The following PDE6C variants were observed in gnomAD, a reference collection of about 807,000 sequenced individuals.
PDE6C encodes phosphodiesterase 6C.
In PDE6C, 75 loss-of-function variants were observed where a neutral mutation model predicts 113.1. The observed-to-expected ratio is 0.66, with a 90% CI of 0.55 to 0.80. PDE6C has a LOEUF of 0.80. Ranked by LOEUF, PDE6C falls within the 30% of genes least tolerant of loss-of-function variation. PDE6C has a pLI of 0.00. For synonymous variants in PDE6C, 375 were observed against 363.7 expected, an observed-to-expected ratio of 1.03 and a Z score of -0.35; for missense variants, 912 against 1,038.6, an observed-to-expected ratio of 0.88 and a Z score of 1.67.
intron 7 of PDE6C, among the ~76,000 whole-genome samples, chr10:93,627,943 G>A (rs1216368457): frequency 2.0e-5 from 3 of 152,194 alleles, no homozygotes; most frequent in Admixed American, 1.3e-4. Context: ...CCTTGGGGCC[G>A]AGAGGCAGGC....
intron 14 of PDE6C, 77 bp downstream of exon 14, chr10:93,641,106 C>A: frequency 1.1e-6 from 1 of 880,732 alleles, no homozygotes; most frequent in Non-Finnish European, 1.9e-6. Flanking sequence ...AACGCTTCTC[C>A]CTATTCCTTG....
intron 3 of PDE6C, 24 bp downstream of exon 3, chr10:93,621,004 A>G: frequency 1.3e-6 from 2 of 1,576,838 alleles, no homozygotes; most frequent in Non-Finnish European, 1.7e-6. Context: ...AGCATTAGTC[A>G]TTCCATGCTG....
In PDE6C at chr10:93,613,133, T is replaced by C. The variant is rs1564794125; in HGVS notation, c.408T>C (p.Phe136=). 4 of 1,614,168 alleles carry C rather than the reference T, an allele frequency of 2.5e-6. No homozygotes were observed. The highest frequency in any genetic ancestry group is 3.4e-6 in the Non-Finnish European group (4 of 1,180,044). ...NLVGPDKEVV[F]PLDIGIVGWA... ...TGGGCCCTGACAAAGAAGTTGTGTT[T>C]CCATTGGACATTGGGATAGTGGGTT... Residue 136 remains phenylalanine, a synonymous_variant, in exon 1 of 22, where the codon TTT becomes TTC. Coordinates refer to ENST00000371447, the MANE Select transcript of PDE6C (RefSeq NM_006204.4).
At chr10:93,632,210 G>C (rs1237397457) in intron 8 of PDE6C, among the ~76,000 whole-genome samples, 3 of 152,112 alleles carry the variant, frequency 2.0e-5, no homozygotes, top group Non-Finnish European at 4.4e-5. Flanking sequence ...GGTCCACCTG[G>C]AACATCCAGG....
Position 93,612,818 on chromosome 10 carries a change from G to T in PDE6C, c.93G>T (p.Glu31Asp), listed in dbSNP as rs2058397762. 2.5e-6 allele frequency: 4 copies of T among 1,614,180 alleles called. No homozygotes were observed. The highest frequency in any genetic ancestry group is 2.5e-6 in the Non-Finnish European group (3 of 1,180,034). Residue 31 changes from glutamate (E) to aspartate (D), a missense_variant, in exon 1 of 22, where the codon GAG becomes GAT. Coordinates refer to ENST00000371447, the MANE Select transcript of PDE6C (RefSeq NM_006204.4). Reference sequence around the variant, plus strand: ...ACTTTGACAGGAAGTTGCGGGTGGAGGTGCTGGGAGAAATCTTCAAGAACA... The same window carrying T: ...ACTTTGACAGGAAGTTGCGGGTGGATGTGCTGGGAGAAATCTTCAAGAACA... ...KEYFDRKLRV[E>D]VLGEIFKNSQ...
At chr10:93,639,765 T>C (rs2058550022) in intron 11 of PDE6C, among the ~76,000 whole-genome samples, 1 of 152,248 alleles carries the variant, frequency 6.6e-6, no homozygotes, top group African/African-American at 2.4e-5. Context: ...CTAAACATTT[T>C]ATTTTGCATC....
intron 15 of PDE6C, among the ~76,000 whole-genome samples, chr10:93,649,130 G>A (rs979148972): frequency 1.1e-4 from 17 of 152,020 alleles, no homozygotes; most frequent in African/African-American, 4.1e-4. Context: ...TAGTTCTATC[G>A]CCATTTTAAT....
At chr10:93,624,931 C>T (rs1450378161) in intron 4 of PDE6C, among the ~76,000 whole-genome samples, 2 of 152,132 alleles carry the variant, frequency 1.3e-5, no homozygotes, top group Non-Finnish European at 2.9e-5. Context: ...ATAGGCATGA[C>T]ACAACTGGGA....
At chr10:93,657,231 G>A (rs548660299) in intron 16 of PDE6C, among the ~76,000 whole-genome samples, 13 of 151,656 alleles carry the variant, frequency 8.6e-5, no homozygotes, top group Non-Finnish European at 7.4e-5. Flanking sequence ...GCGCAATCTC[G>A]GCTCACTGTA....
At chr10:93,633,956 T>C (rs1012409021) in intron 8 of PDE6C, among the ~76,000 whole-genome samples, 3 of 152,160 alleles carry the variant, frequency 2.0e-5, no homozygotes, top group Non-Finnish European at 4.4e-5. Context: ...GTACATATAA[T>C]GGCTGTATGG....
Position 93,626,815 on chromosome 10 carries a change from G to T in PDE6C, c.1015G>T (p.Ala339Ser). ...CTTCTCTTCCCCAAGGACGCCTCCT[G>T]CAGACCACTGGACACTCATTAGTGG... Reference protein sequence around the residue: ...EEIKVIPTPPADHWTLISGLP... With the variant: ...EEIKVIPTPPSDHWTLISGLP... The change falls in exon 7 of 22, where the codon GCA becomes TCA. Residue 339 changes from alanine to serine, a missense_variant. Coordinates refer to ENST00000371447, the MANE Select transcript of PDE6C (RefSeq NM_006204.4). The T allele has an allele frequency of 6.2e-7, 1 of 1,613,950 alleles. No individual in the cohort carries two copies. The highest frequency in any genetic ancestry group is 8.5e-7 in the Non-Finnish European group (1 of 1,179,916).
chr10:93,638,204 G>A (rs143277293), intron 11 of PDE6C, among the ~76,000 whole-genome samples: 208 of 152,238 alleles, frequency 1.4e-3, no homozygotes, highest in African/African-American at 4.7e-3. Flanking sequence ...TGTGATGTGA[G>A]CATTCTTTCT....
At chr10:93,634,541 C>A (rs188643024) in intron 8 of PDE6C, among the ~76,000 whole-genome samples, 1 of 152,172 alleles carries the variant, frequency 6.6e-6, no homozygotes, top group Admixed American at 6.5e-5. Context: ...AGCTCTGGAT[C>A]GTACAATGTC....
chr10:93,613,821 C>T (rs982863257), intron 1 of PDE6C, among the ~76,000 whole-genome samples: 4 of 152,206 alleles, frequency 2.6e-5, no homozygotes, highest in African/African-American at 7.2e-5. Flanking sequence ...ATTGACCACT[C>T]CCACTGCTCC....
chr10:93,665,888 G>T lies in PDE6C; in HGVS notation c.*470G>T. On this transcript the variant is annotated 3_prime_UTR_variant, in exon 22 of 22. Coordinates refer to ENST00000371447, the MANE Select transcript of PDE6C (RefSeq NM_006204.4). ...CCATCTTCTCCCTGTGTCTTCACAT[G>T]GTCTTCCCTCTGTGTGTCTGTGTCC... 1 of 237,148 alleles carries T rather than the reference G, an allele frequency of 4.2e-6. No individual in the cohort carries two copies. The highest frequency in any genetic ancestry group is 1.2e-4 in the East Asian group (1 of 8,118). The allele number at this position is 237,148 out of a possible 1,614,324, so 14.7% of individuals were successfully genotyped here. A position where few individuals can be genotyped will look rare whatever the true frequency, so the allele number is the denominator to read the frequency against.
chr10:93,662,460 CAAAAAAA>C (rs11364728), intron 19 of PDE6C, 93 bp from the exon 20 acceptor site: 358 of 320,594 alleles, frequency 1.1e-3, no homozygotes, highest in Non-Finnish European at 1.7e-3. Flanking sequence ...GACTCTGCCT[CAAAAAAA>C]AAAAAAAAAA....
At chr10:93,616,574 G>A (rs1042237421) in intron 1 of PDE6C, among the ~76,000 whole-genome samples, 6 of 151,488 alleles carry the variant, frequency 4.0e-5, no homozygotes, top group African/African-American at 7.3e-5. Flanking sequence ...GCCAGTAGGC[G>A]TTTAGGAGCT....
chr10:93,619,933 T>A lies in PDE6C; in HGVS notation c.481-699T>A, dbSNP rs2058437329. Among the ~76,000 whole-genome samples the A allele has an allele frequency of 2.6e-5, 4 of 152,148 alleles. No individual in the cohort carries two copies. The South Asian group carries it at 8.3e-4, about 32-fold the overall frequency. ...TGAGTGGATCATAAAGCACCCAGGG[T>A]GGAGTAGTGTGCACAAATCTAAGAG... On this transcript the variant is annotated intron_variant, in intron 1 of 21. Transcript: ENST00000371447.
At chr10:93,634,697 T>C in intron 8 of PDE6C, 61 bp from the exon 9 acceptor site, 2 of 1,546,338 alleles carry the variant, frequency 1.3e-6, no homozygotes, top group Non-Finnish European at 1.8e-6. Context: ...ATCCTGTGAA[T>C]TTATGATTAT....
Sources: gnomAD v4.1 joint callset for allele counts (sites outside exome capture counted in the v4.1 genomes callset) on GRCh38, gnomAD v4.1.1 for gene constraint, MANE v1.5 for transcripts, NCBI Gene and HGNC (gene_info 2026-07-23, HGNC 2026-07-21) for gene names.